The following WDR82 variants were observed in gnomAD, a reference collection of about 807,000 sequenced individuals.
WDR82 encodes WD repeat-containing protein 82.
A neutral mutation model predicts 36.1 loss-of-function variants in WDR82; 8 were observed. The observed-to-expected ratio is 0.22, with a 90% CI of 0.13 to 0.40. WDR82 has a LOEUF of 0.40. WDR82 is among the 10% of genes least tolerant of loss of function. WDR82 has a pLI of 1.00. For synonymous variants in WDR82, 129 were observed against 137.8 expected, an observed-to-expected ratio of 0.94 and a Z score of 0.45; for missense variants, 185 against 400.5, an observed-to-expected ratio of 0.46 and a Z score of 4.59.
chr3:52,273,634 T>C (rs1235600177), intron 1 of WDR82, among the ~76,000 whole-genome samples: 2 of 152,208 alleles, frequency 1.3e-5, no homozygotes, highest in African/African-American at 4.8e-5. Flanking sequence ...ATTATTTTTA[T>C]GTTTTTGAGA....
At chr3:52,266,741 T>C (rs992176623) in intron 3 of WDR82, among the ~76,000 whole-genome samples, 1 of 152,096 alleles carries the variant, frequency 6.6e-6, no homozygotes, top group East Asian at 1.9e-4. Context: ...CTGGGCCTAG[T>C]TATATTTTAA....
At chr3:52,260,332 A>C in intron 5 of WDR82, 53 bp downstream of exon 5, 1 of 1,375,442 alleles carries the variant, frequency 7.3e-7, no homozygotes, top group Non-Finnish European at 9.8e-7. Context: ...TCTGTCTCAA[A>C]AACAAAACAA....
chr3:52,269,943 C>T (rs147974620), intron 2 of WDR82, among the ~76,000 whole-genome samples: 6 of 152,220 alleles, frequency 3.9e-5, no homozygotes, highest in African/African-American at 7.2e-5. Flanking sequence ...GATCAAAAAA[C>T]GTTCCTGGAA....
Position 52,256,335 on chromosome 3 carries a change from T to C in WDR82, c.*1155A>G, listed in dbSNP as rs1423283667. The C allele has an allele frequency of 2.6e-5, 4 of 153,748 alleles. No homozygotes were observed. The highest frequency in any genetic ancestry group is 5.9e-5 in the Non-Finnish European group (4 of 68,046). The allele number at this position is 153,748 out of a possible 1,614,324, so 9.5% of individuals were successfully genotyped here. A position where few individuals can be genotyped will look rare whatever the true frequency, so the allele number is the denominator to read the frequency against. On this transcript the variant is annotated 3_prime_UTR_variant, in exon 9 of 9. Transcript: ENST00000296490. ...CAGCTGAACTCTTGGAAACTACAGA[T>C]GAGAGATATATGCATACGCACACAC...
rs150874620 is a variant in WDR82 at position 52,260,730 on chromosome 3, G to C, written c.427-229C>G. On this transcript the variant is annotated intron_variant, in intron 4 of 8. Transcript: ENST00000296490. ...ACTAAAATGAAGCTTTTAAAAAACA[G>C]GTCTCCAGACAACAATTTCTGATCA... Among the ~76,000 whole-genome samples, 596 of 152,250 alleles carry C rather than the reference G, an allele frequency of 3.9e-3. 5 individuals are homozygous for C. The highest frequency in any genetic ancestry group is 0.023 in the South Asian group (113 of 4,814).
chr3:52,276,388 G>A (rs1436972464), intron 1 of WDR82, among the ~76,000 whole-genome samples: 5 of 151,048 alleles, frequency 3.3e-5, no homozygotes, highest in Admixed American at 1.3e-4. Context: ...CCAAGATCGC[G>A]CCACTACACT....
intron 3 of WDR82, 98 bp downstream of exon 3, chr3:52,266,854 G>A: frequency 2.1e-6 from 2 of 970,438 alleles, no homozygotes. Flanking sequence ...TAGTGAGGAA[G>A]TAGCTTCAGT....
Position 52,257,434 on chromosome 3 carries a change from G to C in WDR82, c.*56C>G, listed in dbSNP as rs1700019361. The C allele has an allele frequency of 2.5e-6, 4 of 1,612,048 alleles. No homozygotes were observed. Among genetic ancestry groups the C allele is most frequent in the Non-Finnish European group, 3.4e-6 (4 of 1,178,272 alleles). ...TCCCACTATTATCTCAGTTCCCTCTGAGTTTCTTCCTGCTGGCCGCCCTCA... is the reference window on the plus strand; with the variant it reads ...TCCCACTATTATCTCAGTTCCCTCTCAGTTTCTTCCTGCTGGCCGCCCTCA... On this transcript the variant is annotated 3_prime_UTR_variant, in exon 9 of 9. Coordinates refer to ENST00000296490, the MANE Select transcript of WDR82 (RefSeq NM_025222.4).
intron 6 of WDR82, 66 bp downstream of exon 6, chr3:52,259,651 T>A: frequency 6.5e-7 from 1 of 1,542,530 alleles, no homozygotes; most frequent in Admixed American, 2.0e-5. Context: ...ACCAACCAGC[T>A]AACATAATTC....
chr3:52,258,759 T>G, intron 7 of WDR82, 81 bp from the exon 8 acceptor site: 1 of 1,592,916 alleles, frequency 6.3e-7, no homozygotes, highest in Non-Finnish European at 8.6e-7. Flanking sequence ...GATTGAGATC[T>G]GAGGATACGC....
chr3:52,259,987 T>TC, intron 5 of WDR82, 115 bp from the exon 6 acceptor site: 1 of 1,285,896 alleles, frequency 7.8e-7, no homozygotes, highest in Non-Finnish European at 1.1e-6. Flanking sequence ...GAGAATGAGC[T>TC]ACTTCTCTGC....
intron 6 of WDR82, 136 bp from the exon 7 acceptor site, chr3:52,259,402 C>T: frequency 1.1e-6 from 1 of 904,318 alleles, no homozygotes; most frequent in East Asian, 2.6e-5. Context: ...CACCACCAAG[C>T]TTCCAAATGT....
Position 52,255,582 on chromosome 3 carries a change from T to C in WDR82, c.*1908A>G, listed in dbSNP as rs1699998733. On this transcript the variant is annotated 3_prime_UTR_variant, in exon 9 of 9. Transcript: ENST00000296490. ...GGAAAGGTGTACGCCTCTTGCACTT[T>C]CAGAGGAACAAGTCAAAAAGTAATT... 2.0e-5 allele frequency: 3 copies of C among 152,028 alleles called. No homozygotes were observed. Among genetic ancestry groups the C allele is most frequent in the African/African-American group, 7.3e-5 (3 of 41,372 alleles). 9.4% of individuals were successfully genotyped at this position (152,028 alleles called of 1,614,324 possible). A position where few individuals can be genotyped will look rare whatever the true frequency, so the allele number is the denominator to read the frequency against.
At chr3:52,266,369 A>ATG (rs1191492152) in intron 3 of WDR82, among the ~76,000 whole-genome samples, 1 of 152,052 alleles carries the variant, frequency 6.6e-6, no homozygotes, top group African/African-American at 2.4e-5. Context: ...CTAGTTTTAT[A>ATG]TGTATATATA....
Position 52,257,299 on chromosome 3 carries a change from T to C in WDR82, c.*191A>G. On this transcript the variant is annotated 3_prime_UTR_variant, in exon 9 of 9. Coordinates refer to ENST00000296490, the MANE Select transcript of WDR82 (RefSeq NM_025222.4). ...CCAATTGAGTCTGTTGCACCAAGAG[T>C]CCTTTTGAAGACGCTCATCAAAGTA... 2 of 688,246 alleles carry C rather than the reference T, an allele frequency of 2.9e-6. No individual in the cohort carries two copies. Among genetic ancestry groups the C allele is most frequent in the Admixed American group, 5.7e-5 (2 of 35,108 alleles). 42.6% of individuals were successfully genotyped at this position (688,246 alleles called of 1,614,324 possible).
intron 8 of WDR82, 96 bp from the exon 9 acceptor site, chr3:52,257,615 C>A: frequency 6.7e-7 from 1 of 1,491,556 alleles, no homozygotes; most frequent in South Asian, 1.2e-5. Context: ...TGTGCCCAAC[C>A]CCAGTGGCTC....
rs1700012772 is a variant in WDR82, at chr3:52,256,720, G to A, written c.*770C>T. On this transcript the variant is annotated 3_prime_UTR_variant, in exon 9 of 9. Transcript: ENST00000296490. The stretch of plus-strand genomic sequence containing the variant: ...GACCGTGGGTTTGTCTTGATGACAG[G>A]GCACTGCACCAGGCTGCTGCTAAAC... 1 of 153,650 alleles carries A rather than the reference G, an allele frequency of 6.5e-6. No individual in the cohort carries two copies. The highest frequency in any genetic ancestry group is 2.4e-5 in the African/African-American group (1 of 41,422). The allele number at this position is 153,650 out of a possible 1,614,324, so 9.5% of individuals were successfully genotyped here.
At chr3:52,270,664 T>C (rs1261446919) in intron 2 of WDR82, 48 bp downstream of exon 2, 4 of 1,445,082 alleles carry the variant, frequency 2.8e-6, no homozygotes, top group Non-Finnish European at 2.9e-6. Context: ...CCATGAACTA[T>C]TTAACAAAGG....
rs1466009059 is a variant in WDR82 at position 52,259,778 on chromosome 3, G to C, written c.638C>G (p.Thr213Ser). Residue 213 changes from threonine to serine, a missense_variant, in exon 6 of 9, where the codon ACC (threonine) becomes AGC (serine). Thr to Ser is a moderately conservative substitution (Grantham distance 58, BLOSUM62 1). This residue lies in a region of WDR82 where 110 missense variants were observed against 212.6 expected (regional missense o/e 0.52). Coordinates refer to ENST00000296490, the MANE Select transcript of WDR82 (RefSeq NM_025222.4). ...AATCAGACGAATGAAGCTGCCGTTG[G>C]TGGAAATGAGGATGAGCTTGCCATC... ...SNDGKLILISTNGSFIRLIDA... is the reference protein window; with the variant it reads ...SNDGKLILISSNGSFIRLIDA... 2.5e-6 allele frequency: 4 copies of C among 1,614,172 alleles called. No individual in the cohort carries two copies. In the Middle Eastern group the frequency reaches 6.6e-4, roughly 266 times the overall value.
Sources: gnomAD v4.1 joint callset for allele counts (sites outside exome capture counted in the v4.1 genomes callset) on GRCh38, gnomAD v4.1.1 for gene constraint, gnomAD v4.1.1 regional missense constraint, MANE v1.5 for transcripts, NCBI Gene and HGNC (gene_info 2026-07-23, HGNC 2026-07-21) for gene names.